CCDC7: variants seen among roughly 807,000 people sequenced by gnomAD.
CCDC7 encodes the protein coiled-coil domain containing 7, also known as coiled-coil domain-containing protein 7.
CCDC7 carries 183 observed loss-of-function variants against 196.9 expected under a neutral mutation model. That is an observed-to-expected ratio of 0.93 (90% CI 0.82 to 1.05). The LOEUF is 1.05. Among genes scored for constraint, CCDC7 ranks in the 50% least tolerant of loss-of-function variants. The pLI, the probability that CCDC7 is intolerant of heterozygous loss-of-function variation, is 0.00. For missense variants in CCDC7, 1,540 were observed against 1,482.2 expected, an observed-to-expected ratio of 1.04 and a Z score of -0.64; for synonymous variants, 525 against 484.6, an observed-to-expected ratio of 1.08 and a Z score of -1.10.
At chr10:32,705,134 C>A (rs1323157975) in intron 24 of CCDC7, among the ~76,000 whole-genome samples, 1 of 151,916 alleles carries the variant, frequency 6.6e-6, no homozygotes, top group Non-Finnish European at 1.5e-5. Context: ...TGGAGCTGTT[C>A]CTATTCGGCC....
intron 11 of CCDC7, among the ~76,000 whole-genome samples, chr10:32,532,644 T>C (rs75740836): frequency 0.042 from 6,429 of 152,276 alleles, 177 homozygotes; most frequent in Middle Eastern, 0.068. Flanking sequence ...TTGCTTTATA[T>C]ATCTGGGAGT....
intron 8 of CCDC7, among the ~76,000 whole-genome samples, chr10:32,480,401 C>T (rs1452211060): frequency 3.3e-5 from 5 of 152,062 alleles, no homozygotes; most frequent in Admixed American, 6.5e-5. Flanking sequence ...TAGCTCACTC[C>T]AACCTCAAAC....
At chr10:32,476,025 A>G (rs570207247) in intron 8 of CCDC7, among the ~76,000 whole-genome samples, 1 of 152,296 alleles carries the variant, frequency 6.6e-6, no homozygotes, top group South Asian at 2.1e-4. Flanking sequence ...AATGTGATAC[A>G]TTTGTTATGG....
At position 32,528,642 on chromosome 10, in the gene CCDC7, G is replaced by GTA. The variant is rs1474263747; in HGVS notation, c.993+10138_993+10139insAT. 4.8e-4 allele frequency among the ~76,000 whole-genome samples: 47 copies of GTA among 98,926 alleles called. 1 individual carries two copies. The highest frequency in any genetic ancestry group is 4.5e-3 in the Admixed American group (45 of 9,916). 64.9% of individuals were successfully genotyped at this position (98,926 alleles called of 152,430 possible). On this transcript the variant is annotated intron_variant, in intron 11 of 41. Transcript: ENST00000639629. Reference sequence around the variant, plus strand: ...TATTCCATGGTATATGTATGTGTGTGTGTGTGTGTATATATATATACACAC... The same window carrying GTA: ...TATTCCATGGTATATGTATGTGTGTGTATGTGTGTGTATATATATATACACAC...
intron 18 of CCDC7, among the ~76,000 whole-genome samples, chr10:32,586,471 T>A (rs1312011706): frequency 6.6e-6 from 1 of 152,216 alleles, no homozygotes; most frequent in East Asian, 1.9e-4. Flanking sequence ...CTGAGTGATA[T>A]TGCCTAGGTT....
intron 18 of CCDC7, among the ~76,000 whole-genome samples, chr10:32,620,498 C>T (rs1211299966): frequency 6.6e-6 from 1 of 151,654 alleles, no homozygotes; most frequent in East Asian, 1.9e-4. Flanking sequence ...TAGTTACCCT[C>T]ACATTGGATT....
chr10:32,653,218 G>T (rs1303894211), intron 20 of CCDC7, among the ~76,000 whole-genome samples: 2 of 152,104 alleles, frequency 1.3e-5, no homozygotes, highest in Non-Finnish European at 2.9e-5. Context: ...TAGGACTCAG[G>T]TTCCTCTTGC....
chr10:32,637,869 A>C (rs2065939911), intron 20 of CCDC7, among the ~76,000 whole-genome samples: 1 of 152,184 alleles, frequency 6.6e-6, no homozygotes, highest in South Asian at 2.1e-4. Context: ...TGAGCATGGA[A>C]TGTTCTTCCA....
intron 29 of CCDC7, among the ~76,000 whole-genome samples, chr10:32,790,715 C>T (rs1014921440): frequency 2.6e-5 from 4 of 152,178 alleles, no homozygotes; most frequent in Non-Finnish European, 5.9e-5. Flanking sequence ...TTCTGATTCA[C>T]AGGGTCAGAG....
chr10:32,504,815 G>T (rs1302828533), intron 9 of CCDC7, among the ~76,000 whole-genome samples: 1 of 152,086 alleles, frequency 6.6e-6, no homozygotes, highest in Admixed American at 6.5e-5. Context: ...CATGTTTTGT[G>T]GTCTAACACA....
chr10:32,845,934 C>T (rs1296535307), exon 36 of CCDC7: 1 of 1,611,858 alleles, frequency 6.2e-7, no homozygotes, highest in Non-Finnish European at 8.5e-7. Context: ...TAGGGCCAAT[C>T]ACTACACAAC....
intron 20 of CCDC7, among the ~76,000 whole-genome samples, chr10:32,637,230 T>G (rs946866263): frequency 6.6e-6 from 1 of 152,206 alleles, no homozygotes; most frequent in Non-Finnish European, 1.5e-5. Flanking sequence ...GCTCTTTAGT[T>G]TAATTAGATC....
intron 9 of CCDC7, among the ~76,000 whole-genome samples, chr10:32,505,373 G>A (rs940653985): frequency 6.6e-6 from 1 of 151,882 alleles, no homozygotes; most frequent in Non-Finnish European, 1.5e-5. Context: ...TTAGGGAGTG[G>A]TGATGACTCT....
intron 8 of CCDC7, among the ~76,000 whole-genome samples, chr10:32,490,633 A>G (rs868757385): frequency 1.1e-4 from 16 of 152,164 alleles, no homozygotes; most frequent in Middle Eastern, 6.8e-3. Context: ...TGTCTCTACT[A>G]AAAATACAAA....
Position 32,689,389 on chromosome 10 carries a change from A to G in CCDC7, c.2344+226A>G, listed in dbSNP as rs368396267. 6.6e-5 allele frequency among the ~76,000 whole-genome samples: 10 copies of G among 152,296 alleles called. No homozygotes were observed. The East Asian group carries it at 1.3e-3, about 21-fold the overall frequency. On this transcript the variant is annotated intron_variant, in intron 23 of 41. Transcript: ENST00000639629. ...ACAGTATCCCCCAAGGCTTTATAAC[A>G]AATGTATAATTGTCTTTCCAAAGTA...
At chr10:32,844,263 G>A (rs1279630794) in intron 33 of CCDC7, among the ~76,000 whole-genome samples, 1 of 151,868 alleles carries the variant, frequency 6.6e-6, no homozygotes, top group Admixed American at 6.6e-5. Flanking sequence ...CAGTGGAAAG[G>A]AATGCAATCT....
intron 18 of CCDC7, among the ~76,000 whole-genome samples, chr10:32,632,597 C>T (rs1204078706): frequency 6.6e-6 from 1 of 152,036 alleles, no homozygotes; most frequent in African/African-American, 2.4e-5. Context: ...TTCCTCTAAG[C>T]ATCACTTTAG....
At chr10:32,515,929 T>C (rs143730234) in intron 9 of CCDC7, among the ~76,000 whole-genome samples, 166 of 152,272 alleles carry the variant, frequency 1.1e-3, no homozygotes, top group African/African-American at 3.8e-3. Flanking sequence ...AGAAGAAGCA[T>C]AGGAGTAAAT....
At chr10:32,579,052 A>G (rs1275618666) in intron 16 of CCDC7, among the ~76,000 whole-genome samples, 4 of 152,172 alleles carry the variant, frequency 2.6e-5, no homozygotes, top group African/African-American at 9.7e-5. Flanking sequence ...CTCAAGAAGG[A>G]TTATTAAAGG....
Sources: allele counts gnomAD v4.1 joint callset (sites outside exome capture counted in the v4.1 genomes callset), GRCh38; gene constraint gnomAD v4.1.1; transcripts MANE v1.5; gene names NCBI Gene and HGNC (gene_info 2026-07-23, HGNC 2026-07-21).